SGCZ: variants seen among roughly 807,000 people sequenced by gnomAD.
SGCZ encodes the protein zeta-sarcoglycan.
SGCZ carries 40 observed loss-of-function variants against 41.3 expected under a neutral mutation model. That is an observed-to-expected ratio of 0.97 (90% CI 0.75 to 1.26). The LOEUF is 1.26. SGCZ is among the 50% of genes most tolerant of loss of function. The pLI, the probability that SGCZ is intolerant of heterozygous loss-of-function variation, is 0.00. For missense variants in SGCZ, 552 were observed against 369.8 expected (o/e 1.49, Z -4.04); for synonymous variants, 206 against 137.5 (o/e 1.50, Z -3.49).
chr8:15,208,881 A>T (rs1432270365), intron 1 of SGCZ, among the ~76,000 whole-genome samples: 1 of 108,978 alleles, frequency 9.2e-6, no homozygotes, highest in Non-Finnish European at 2.0e-5. Context: ...ATATATATAC[A>T]CATATCCCTA....
intron 2 of SGCZ, among the ~76,000 whole-genome samples, chr8:14,501,988 G>T (rs1485075057): frequency 2.0e-5 from 3 of 151,966 alleles, no homozygotes; most frequent in African/African-American, 4.8e-5. Flanking sequence ...TCATTTGACA[G>T]GATTAGTTTG....
chr8:15,236,926 C>T (rs1418261402), intron 1 of SGCZ, among the ~76,000 whole-genome samples: 1 of 152,162 alleles, frequency 6.6e-6, no homozygotes, highest in Non-Finnish European at 1.5e-5. Context: ...TGCCCGAGTC[C>T]CCGGACCTGC....
intron 1 of SGCZ, among the ~76,000 whole-genome samples, chr8:14,937,312 C>T (rs778229663): frequency 6.6e-6 from 1 of 151,952 alleles, no homozygotes; most frequent in East Asian, 1.9e-4. Context: ...AAAGATAACT[C>T]ACCAACATCA....
intron 1 of SGCZ, among the ~76,000 whole-genome samples, chr8:14,911,190 G>A (rs958089197): frequency 1.3e-5 from 2 of 152,016 alleles, no homozygotes; most frequent in Non-Finnish European, 2.9e-5. Flanking sequence ...TGGCAGGGCT[G>A]TAATTCAAAT....
intron 5 of SGCZ, among the ~76,000 whole-genome samples, chr8:14,109,771 A>G (rs990089291): frequency 5.3e-5 from 8 of 152,286 alleles, no homozygotes; most frequent in African/African-American, 1.9e-4. Context: ...CTTGATCATG[A>G]ATAGAACAGG....
At chr8:14,233,449 CATG>C (rs1309894512) in intron 4 of SGCZ, among the ~76,000 whole-genome samples, 1 of 150,950 alleles carries the variant, frequency 6.6e-6, no homozygotes, top group Non-Finnish European at 1.5e-5. Flanking sequence ...TAATTATCCT[CATG>C]ATATTGTGGG....
chr8:14,525,765 A>G (rs376278228), intron 2 of SGCZ, among the ~76,000 whole-genome samples: 1 of 152,158 alleles, frequency 6.6e-6, no homozygotes, highest in Admixed American at 6.6e-5. Flanking sequence ...AAATTACAAT[A>G]AACTTTAAGA....
At chr8:14,827,281 G>C (rs898805925) in intron 1 of SGCZ, among the ~76,000 whole-genome samples, 39 of 143,380 alleles carry the variant, frequency 2.7e-4, no homozygotes, top group Admixed American at 2.5e-3. Flanking sequence ...CTGTCACCCA[G>C]GCTGGAGGGC....
intron 1 of SGCZ, among the ~76,000 whole-genome samples, chr8:15,218,692 C>T (rs972348948): frequency 6.6e-6 from 1 of 152,182 alleles, no homozygotes; most frequent in African/African-American, 2.4e-5. Flanking sequence ...ATGTTTCACT[C>T]ATTTCACCAG....
chr8:14,689,690 A>C (rs1808735317), intron 1 of SGCZ, among the ~76,000 whole-genome samples: 1 of 152,216 alleles, frequency 6.6e-6, no homozygotes, highest in Non-Finnish European at 1.5e-5. Context: ...ATCAGGGACT[A>C]TCTACAGCTG....
intron 1 of SGCZ, among the ~76,000 whole-genome samples, chr8:15,236,394 C>A (rs943323819): frequency 6.6e-6 from 1 of 151,654 alleles, no homozygotes; most frequent in Non-Finnish European, 1.5e-5. Context: ...AACCCATTTC[C>A]TTGACATTTC....
chr8:14,183,337 T>C (rs1804792311), intron 4 of SGCZ, among the ~76,000 whole-genome samples: 1 of 151,554 alleles, frequency 6.6e-6, no homozygotes, highest in Non-Finnish European at 1.5e-5. Context: ...AGGAAGAAAA[T>C]GATAGAAAAT....
chr8:15,127,501 C>T (rs574745734), intron 1 of SGCZ, among the ~76,000 whole-genome samples: 2 of 152,248 alleles, frequency 1.3e-5, no homozygotes, highest in South Asian at 4.1e-4. Flanking sequence ...GGAACTGTTA[C>T]AGGAGGTTGG....
chr8:14,470,879 C>A (rs558499219), intron 2 of SGCZ, among the ~76,000 whole-genome samples: 5 of 152,262 alleles, frequency 3.3e-5, no homozygotes, highest in African/African-American at 1.2e-4. Context: ...GACACTGGCA[C>A]TGAGACACAA....
intron 1 of SGCZ, among the ~76,000 whole-genome samples, chr8:15,056,103 A>C (rs1804692338): frequency 6.6e-6 from 1 of 152,200 alleles, no homozygotes; most frequent in Admixed American, 6.5e-5. Context: ...TAAAAGGCTT[A>C]GTTCTAACTG....
At chr8:14,931,108 C>T (rs776800453) in intron 1 of SGCZ, among the ~76,000 whole-genome samples, 18 of 152,080 alleles carry the variant, frequency 1.2e-4, no homozygotes, top group Middle Eastern at 3.4e-3. Flanking sequence ...AGGCTTTTAA[C>T]GAGGTGTCTT....
intron 2 of SGCZ, among the ~76,000 whole-genome samples, chr8:14,354,122 A>G (rs1221983341): frequency 2.0e-5 from 3 of 152,092 alleles, no homozygotes; most frequent in Non-Finnish European, 4.4e-5. Flanking sequence ...ATCTGCTTAT[A>G]AAAGTGCGTA....
intron 1 of SGCZ, among the ~76,000 whole-genome samples, chr8:14,971,516 A>T (rs1801296499): frequency 6.6e-6 from 1 of 151,998 alleles, no homozygotes; most frequent in African/African-American, 2.4e-5. Flanking sequence ...TTTCTGAGAC[A>T]GTTTAAGAGC....
At chr8:14,654,914 C>A (rs73188158) in intron 1 of SGCZ, among the ~76,000 whole-genome samples, 4,768 of 151,880 alleles carry the variant, frequency 0.031, 280 homozygotes, top group African/African-American at 0.11. Context: ...ATCTATTTTT[C>A]TCAGCCTCCC....
Sources: gnomAD v4.1 joint callset for allele counts (sites outside exome capture counted in the v4.1 genomes callset) on GRCh38, gnomAD v4.1.1 for gene constraint, MANE v1.5 for transcripts, NCBI Gene and HGNC (gene_info 2026-07-23, HGNC 2026-07-21) for gene names.